The following ZNF385D variants were observed in gnomAD, a reference collection of about 807,000 sequenced individuals.
The protein encoded by ZNF385D is zinc finger protein 659.
Under a neutral mutation model 35.8 loss-of-function variants are expected in ZNF385D, and 15 were observed. That is an observed-to-expected ratio of 0.42 (90% CI 0.28 to 0.64). The LOEUF is 0.64. ZNF385D is among the 30% of genes least tolerant of loss of function. The pLI, the probability that ZNF385D is intolerant of heterozygous loss-of-function variation, is 0.23. For synonymous variants in ZNF385D, 212 were observed against 186.8 expected, an observed-to-expected ratio of 1.13 and a Z score of -1.10; for missense variants, 474 against 494.6, an observed-to-expected ratio of 0.96 and a Z score of 0.39.
chr3:21,835,534 C>T (rs1324149818), intron 3 of ZNF385D, among the ~76,000 whole-genome samples: 2 of 139,704 alleles, frequency 1.4e-5, no homozygotes, highest in Non-Finnish European at 3.1e-5. Flanking sequence ...AAAAAAAAAA[C>T]TAAACCAAAT....
intron 2 of ZNF385D, among the ~76,000 whole-genome samples, chr3:22,285,671 C>G (rs750034386): frequency 6.6e-6 from 1 of 151,918 alleles, no homozygotes; most frequent in Non-Finnish European, 1.5e-5. Context: ...TCCTAATGCT[C>G]TCCCTCCCCC....
At chr3:21,675,083 A>C (rs2066684238) in intron 1 of ZNF385D, among the ~76,000 whole-genome samples, 1 of 151,894 alleles carries the variant, frequency 6.6e-6, no homozygotes, top group South Asian at 2.1e-4. Context: ...TCTTTGAAGA[A>C]CTAGAAAAGA....
intron 3 of ZNF385D, among the ~76,000 whole-genome samples, chr3:22,123,821 C>G (rs1326651766): frequency 6.6e-6 from 1 of 151,878 alleles, no homozygotes; most frequent in Non-Finnish European, 1.5e-5. Context: ...GAGATTGCAC[C>G]ACTGCACTCC....
In ZNF385D at chr3:21,780,432, C is replaced by T. The variant is rs76677250; in HGVS notation, c.326-115404G>A. Among the ~76,000 whole-genome samples, 657 of 152,060 alleles carry T rather than the reference C, an allele frequency of 4.3e-3. 5 individuals are homozygous for T. The highest frequency in any genetic ancestry group is 0.015 in the African/African-American group (624 of 41,516). ...CCTACTTTTGTTTCTACTGCGCAGC[C>T]CTCACGTTCTTTCTCAATATCTTCC... On this transcript the variant is annotated intron_variant, in intron 3 of 5. Transcript: ENST00000494108.
rs142844596 is a variant in ZNF385D, at chr3:22,184,710, C to T, written c.107-15675G>A. Among the ~76,000 whole-genome samples the T allele has an allele frequency of 3.3e-3, 505 of 152,154 alleles. 3 individuals carry two copies. The highest frequency in any genetic ancestry group is 0.014 in the Middle Eastern group (4 of 294). ...GGCGTGGTGGCAGGTACCTATAATC[C>T]CAGCTACTCAGGAGGCTGAGGTAGG... On this transcript the variant is annotated intron_variant, in intron 2 of 5. Transcript: ENST00000494108.
intron 3 of ZNF385D, among the ~76,000 whole-genome samples, chr3:21,927,273 CT>C (rs71618874): frequency 0.033 from 5,015 of 151,310 alleles, 225 homozygotes; most frequent in African/African-American, 0.1. Flanking sequence ...AAATAAATCT[CT>C]TTTTTTTTAA....
chr3:21,612,986 CTTTTT>C (rs1559459615), intron 2 of ZNF385D, among the ~76,000 whole-genome samples: 1 of 116,922 alleles, frequency 8.6e-6, no homozygotes, highest in Non-Finnish European at 1.7e-5. Flanking sequence ...CATCTTTTTT[CTTTTT>C]TCTTTTTTTT....
intron 3 of ZNF385D, among the ~76,000 whole-genome samples, chr3:22,024,033 T>C (rs1237357320): frequency 1.3e-5 from 2 of 152,104 alleles, no homozygotes; most frequent in Admixed American, 6.5e-5. Flanking sequence ...TTTGAGTAAG[T>C]GGACTGGGAA....
At chr3:22,098,333 C>G (rs17647483) in intron 3 of ZNF385D, among the ~76,000 whole-genome samples, 35,811 of 151,904 alleles carry the variant, frequency 0.24, 4,611 homozygotes, top group Non-Finnish European at 0.27. Context: ...TAAGAAAATT[C>G]AAGAACTTTA....
intron 3 of ZNF385D, among the ~76,000 whole-genome samples, chr3:21,996,934 G>A (rs1484390633): frequency 6.6e-6 from 1 of 152,060 alleles, no homozygotes; most frequent in African/African-American, 2.4e-5. Context: ...TAGCAATTGA[G>A]TTTGTTTCCA....
At chr3:21,625,762 T>C (rs979540293) in intron 2 of ZNF385D, among the ~76,000 whole-genome samples, 4 of 152,088 alleles carry the variant, frequency 2.6e-5, no homozygotes, top group East Asian at 1.9e-4. Flanking sequence ...ACTAAAACTT[T>C]AGTTTTATAT....
At chr3:22,153,527 G>A (rs1047694804) in intron 3 of ZNF385D, among the ~76,000 whole-genome samples, 5 of 148,398 alleles carry the variant, frequency 3.4e-5, no homozygotes, top group Admixed American at 1.4e-4. Context: ...GCAGTGGCAC[G>A]GTCTCGGATC....
intron 3 of ZNF385D, among the ~76,000 whole-genome samples, chr3:21,920,282 G>A (rs1309825014): frequency 6.6e-6 from 1 of 152,118 alleles, no homozygotes; most frequent in Non-Finnish European, 1.5e-5. Flanking sequence ...ACCAGGGCCT[G>A]ACAGACGCAG....
At chr3:21,790,027 A>C (rs1408487885) in intron 3 of ZNF385D, among the ~76,000 whole-genome samples, 1 of 152,200 alleles carries the variant, frequency 6.6e-6, no homozygotes, top group Non-Finnish European at 1.5e-5. Context: ...ATCTTCAGTA[A>C]CTATTAAATG....
At chr3:21,929,899 C>T (rs1486260197) in intron 3 of ZNF385D, among the ~76,000 whole-genome samples, 4 of 152,056 alleles carry the variant, frequency 2.6e-5, no homozygotes, top group Admixed American at 2.0e-4. Context: ...AGATTTAATA[C>T]ATCCTTTATC....
Position 21,770,710 on chromosome 3 carries a change from A to C in ZNF385D, c.326-105682T>G, listed in dbSNP as rs186002082. Among the ~76,000 whole-genome samples the C allele has an allele frequency of 2.0e-5, 3 of 152,280 alleles. No homozygotes were observed. The East Asian group carries it at 5.8e-4, about 29-fold the overall frequency. On this transcript the variant is annotated intron_variant, in intron 3 of 5. Transcript: ENST00000494108. Reference sequence around the variant, plus strand: ...TCCTCAGGGATCTAGAACTAGAAATACCATTTGACCCAGCCATCCCATTAC... The same window carrying C: ...TCCTCAGGGATCTAGAACTAGAAATCCCATTTGACCCAGCCATCCCATTAC...
chr3:22,278,891 C>T (rs1225663633), intron 2 of ZNF385D, among the ~76,000 whole-genome samples: 2 of 152,044 alleles, frequency 1.3e-5, no homozygotes, highest in East Asian at 3.9e-4. Flanking sequence ...GTGACCTTTT[C>T]TAAATGCTAC....
chr3:21,865,800 A>T (rs938187925), intron 3 of ZNF385D, among the ~76,000 whole-genome samples: 2 of 152,292 alleles, frequency 1.3e-5, no homozygotes, highest in East Asian at 1.9e-4. Context: ...TGATCTAGTT[A>T]CTATATTCAA....
intron 4 of ZNF385D, among the ~76,000 whole-genome samples, chr3:21,460,645 C>T (rs1029195393): frequency 2.6e-5 from 4 of 152,012 alleles, no homozygotes; most frequent in Admixed American, 2.0e-4. Flanking sequence ...TTTTGTTGTA[C>T]ATGTGTAAAA....
Sources: allele counts gnomAD v4.1 joint callset (sites outside exome capture counted in the v4.1 genomes callset), GRCh38; gene constraint gnomAD v4.1.1; transcripts MANE v1.5; gene names NCBI Gene and HGNC (gene_info 2026-07-23, HGNC 2026-07-21).